UST: variants seen among roughly 807,000 people sequenced by gnomAD.
The protein encoded by UST is chondroitin sulfate 2-O-sulfotransferase.
In UST, 21 loss-of-function variants were observed where a neutral mutation model predicts 45.6. The observed-to-expected ratio is 0.46, with a 90% confidence interval of 0.33 to 0.66. The LOEUF (loss-of-function observed/expected upper bound fraction) is 0.66. Among genes scored for constraint, UST ranks in the 30% least tolerant of loss-of-function variants. UST has a pLI of 0.02. For missense variants in UST, 463 were observed against 512.4 expected (o/e 0.90, Z 0.93); for synonymous variants, 215 against 200.6 (o/e 1.07, Z -0.61).
At position 148,888,165 on chromosome 6, in the gene UST, A is replaced by AGGC. The variant is rs576011895; in HGVS notation, c.291+1138_291+1140dup. 2.2e-3 allele frequency among the ~76,000 whole-genome samples: 339 copies of AGGC among 152,320 alleles called. 8 individuals carry two copies. Among genetic ancestry groups the AGGC allele is most frequent in the Non-Finnish European group, 1.7e-3 (117 of 68,028 alleles). On this transcript the variant is annotated intron_variant, in intron 2 of 7. Coordinates refer to ENST00000367463, the MANE Select transcript of UST (RefSeq NM_005715.3). ...TCATGGTGGAAGGCAGAGAGGAAGCAGGCGCATCTTACGTGGCCAGAGCAG... is the reference window on the plus strand; with the variant it reads ...TCATGGTGGAAGGCAGAGAGGAAGCAGGCGGCGCATCTTACGTGGCCAGAGCAG...
chr6:149,027,538 C>A (rs527971594), intron 7 of UST, among the ~76,000 whole-genome samples: 5 of 152,306 alleles, frequency 3.3e-5, no homozygotes, highest in African/African-American at 1.2e-4. Context: ...GGTGCTTTTA[C>A]CCCCTCAAAA....
At position 148,941,273 on chromosome 6, in the gene UST, T is replaced by C. The variant is rs761109557; in HGVS notation, c.292-6T>C. On this transcript the variant is annotated splice_polypyrimidine_tract_variant and splice_region_variant and intron_variant, in intron 2 of 7. Transcript: ENST00000367463. ...TTCATGTTTGTTCTCTTGGTTTTTTTCCCAGGTACTACCTTTCCCAAGCCA... is the reference window on the plus strand; with the variant it reads ...TTCATGTTTGTTCTCTTGGTTTTTTCCCCAGGTACTACCTTTCCCAAGCCA... 3.7e-6 allele frequency: 6 copies of C among 1,613,096 alleles called. No individual in the cohort carries two copies. Among genetic ancestry groups the C allele is most frequent in the Middle Eastern group, 1.7e-4 (1 of 6,056 alleles).
rs182312800 is a variant in UST at position 148,752,541 on chromosome 6, A to C, written c.247+4864A>C. 1.2e-4 allele frequency among the ~76,000 whole-genome samples: 18 copies of C among 152,364 alleles called. No homozygotes were observed. The East Asian group carries it at 3.3e-3, about 28-fold the overall frequency. On this transcript the variant is annotated intron_variant, in intron 1 of 7. Transcript: ENST00000367463. The stretch of plus-strand genomic sequence containing the variant: ...ACAAATAGCATGAATGGTGAAAAGC[A>C]ATCTGCCTTGTAAACTATTTTTTAA...
intron 1 of UST, among the ~76,000 whole-genome samples, chr6:148,809,079 A>AGGCCTGAAGTGCAGAT (rs1465904544): frequency 6.6e-6 from 1 of 152,252 alleles, no homozygotes; most frequent in African/African-American, 2.4e-5. Context: ...TACTCGAGCG[A>AGGCCTGAAGTGCAGAT]GGCCTGAAGT....
chr6:148,827,537 A>G (rs1777595320), intron 1 of UST, among the ~76,000 whole-genome samples: 1 of 151,988 alleles, frequency 6.6e-6, no homozygotes, highest in African/African-American at 2.4e-5. Context: ...AATTGCTTGA[A>G]TCCAGGAGGT....
chr6:148,864,748 A>G (rs912244800), intron 1 of UST, among the ~76,000 whole-genome samples: 1 of 152,216 alleles, frequency 6.6e-6, no homozygotes, highest in African/African-American at 2.4e-5. Flanking sequence ...AGAAAATGTC[A>G]TGATTAATAG....
intron 1 of UST, among the ~76,000 whole-genome samples, chr6:148,855,119 G>A (rs1778178822): frequency 6.6e-6 from 1 of 152,022 alleles, no homozygotes; most frequent in Non-Finnish European, 1.5e-5. Context: ...AGAACAGCAC[G>A]AGAAAGACCC....
intron 5 of UST, chr6:149,005,668 A>G (rs1775671277): frequency 4.2e-6 from 4 of 941,368 alleles, no homozygotes; most frequent in Non-Finnish European, 5.1e-6. Context: ...GATTTCCACT[A>G]AAATGCAAGT....
intron 1 of UST, among the ~76,000 whole-genome samples, chr6:148,766,177 A>G (rs373280254): frequency 2.0e-5 from 3 of 152,270 alleles, no homozygotes; most frequent in African/African-American, 7.2e-5. Flanking sequence ...TCTGTGCCAA[A>G]ATATAGCCTC....
At position 148,748,240 on chromosome 6, in the gene UST, G is replaced by A. The variant is rs1462071182; in HGVS notation, c.247+563G>A. On this transcript the variant is annotated intron_variant, in intron 1 of 7. Coordinates refer to ENST00000367463, the MANE Select transcript of UST (RefSeq NM_005715.3). The surrounding 1 kb of genome is among the most constrained non-coding windows in gnomAD (Gnocchi z 5.3). Reference sequence around the variant, plus strand: ...CGGGCTGGCTTGTCCCTTGGCTGCCGCTGCCCACCCCGCCGCCCGCAGCTA... The same window carrying A: ...CGGGCTGGCTTGTCCCTTGGCTGCCACTGCCCACCCCGCCGCCCGCAGCTA... Among the ~76,000 whole-genome samples the A allele has an allele frequency of 6.6e-6, 1 of 151,954 alleles. No homozygotes were observed. The highest frequency in any genetic ancestry group is 2.4e-5 in the African/African-American group (1 of 41,372).
Position 148,908,584 on chromosome 6 carries a change from G to A in UST, c.291+21555G>A, listed in dbSNP as rs1779412211. 3.3e-5 allele frequency among the ~76,000 whole-genome samples: 5 copies of A among 151,768 alleles called. No individual in the cohort carries two copies. In the South Asian group the frequency reaches 1.0e-3, roughly 32 times the overall value. ...TCTTTGCCATTTAATTGTAATACAG[G>A]GCTTCTATATTTTGAATGTGTGTTA... On this transcript the variant is annotated intron_variant, in intron 2 of 7. Transcript: ENST00000367463.
At chr6:148,998,335 G>A (rs908253072) in intron 5 of UST, among the ~76,000 whole-genome samples, 1 of 152,216 alleles carries the variant, frequency 6.6e-6, no homozygotes, top group African/African-American at 2.4e-5. Flanking sequence ...GGACTATGCT[G>A]TGGGCTTCTT....
chr6:148,846,755 A>C (rs1778000017), intron 1 of UST, among the ~76,000 whole-genome samples: 1 of 152,268 alleles, frequency 6.6e-6, no homozygotes, highest in Non-Finnish European at 1.5e-5. Flanking sequence ...ACATGAAACT[A>C]TAATTTGAGA....
intron 5 of UST, among the ~76,000 whole-genome samples, chr6:148,989,329 T>G (rs1781304155): frequency 6.6e-6 from 1 of 151,892 alleles, no homozygotes; most frequent in South Asian, 2.1e-4. Flanking sequence ...TTCAGAGCCT[T>G]CCTTTTTGAA....
At chr6:149,033,869 T>A (rs1391892636) in intron 7 of UST, among the ~76,000 whole-genome samples, 2 of 152,224 alleles carry the variant, frequency 1.3e-5, no homozygotes, top group African/African-American at 2.4e-5. Context: ...AGATGTATAA[T>A]GAAAACCAGC....
intron 3 of UST, among the ~76,000 whole-genome samples, chr6:148,944,118 TG>T (rs1277094831): frequency 6.6e-5 from 10 of 152,240 alleles, no homozygotes. Flanking sequence ...GCTCCTTTTT[TG>T]GTAATTTATT....
chr6:148,852,594 G>A (rs1419607523), intron 1 of UST, among the ~76,000 whole-genome samples: 2 of 152,200 alleles, frequency 1.3e-5, no homozygotes, highest in East Asian at 1.9e-4. Flanking sequence ...CTGGAGCATA[G>A]GAGATTGCTT....
At chr6:148,905,258 G>A (rs975764148) in intron 2 of UST, among the ~76,000 whole-genome samples, 1 of 152,106 alleles carries the variant, frequency 6.6e-6, no homozygotes, top group Admixed American at 6.5e-5. Flanking sequence ...GACACCCTGC[G>A]AATGAACCCC....
intron 7 of UST, among the ~76,000 whole-genome samples, chr6:149,065,972 C>CCCAGGGAGTAA (rs1776724660): frequency 1.3e-5 from 2 of 152,140 alleles, no homozygotes; most frequent in South Asian, 4.1e-4. Flanking sequence ...GATGCTGCCA[C>CCCAGGGAGTAA]CCAGGGAGTA....
Sources: gnomAD v4.1 joint callset for allele counts (sites outside exome capture counted in the v4.1 genomes callset) on GRCh38, gnomAD v4.1.1 for gene constraint, Gnocchi (gnomAD v3.1) non-coding constraint, MANE v1.5 for transcripts, NCBI Gene and HGNC (gene_info 2026-07-23, HGNC 2026-07-21) for gene names.